AXIN1: variants seen among roughly 807,000 people sequenced by gnomAD.
AXIN1 encodes the protein axin-1.
Under a neutral mutation model 76.4 loss-of-function variants are expected in AXIN1, and 30 were observed. The observed-to-expected ratio is 0.39, with a 90% CI of 0.29 to 0.53. AXIN1 has a LOEUF of 0.53. Among genes scored for constraint, AXIN1 ranks in the 20% least tolerant of loss-of-function variants. AXIN1 has a pLI of 0.66. For synonymous variants in AXIN1, 545 were observed against 501.4 expected, an observed-to-expected ratio of 1.09 and a Z score of -1.16; for missense variants, 1,140 against 1,198.8, an observed-to-expected ratio of 0.95 and a Z score of 0.72.
chr16:306,958 C>G (rs1037697692), intron 4 of AXIN1, among the ~76,000 whole-genome samples: 3 of 152,208 alleles, frequency 2.0e-5, no homozygotes, highest in African/African-American at 7.2e-5. Context: ...AACAAGCCAC[C>G]CTTTCCCGCT....
intron 4 of AXIN1, 95 bp downstream of exon 4, chr16:309,878 G>T: frequency 8.1e-7 from 1 of 1,240,552 alleles, no homozygotes; most frequent in Non-Finnish European, 1.2e-6. Context: ...CTGGCTCGTG[G>T]GAGGCCAGGC....
chr16:305,328 G>A (rs761011785), intron 4 of AXIN1, among the ~76,000 whole-genome samples: 2 of 152,030 alleles, frequency 1.3e-5, no homozygotes, highest in Non-Finnish European at 2.9e-5. Flanking sequence ...TTTTTAATTA[G>A]CCGGGTGTGG....
chr16:337,149 C>CAAAAAA (rs398028563), intron 2 of AXIN1, among the ~76,000 whole-genome samples: 2 of 30,584 alleles, frequency 6.5e-5, no homozygotes, highest in African/African-American at 2.0e-4. Context: ...GACCCCGTCT[C>CAAAAAA]AAAAAAAAAA....
chr16:336,631 A>G (rs1395153850), intron 2 of AXIN1, among the ~76,000 whole-genome samples: 2 of 151,900 alleles, frequency 1.3e-5, no homozygotes, highest in Admixed American at 6.6e-5. Flanking sequence ...AGTCTGGCCA[A>G]TATGGTGGAA....
chr16:341,695 C>T (rs1216352206), intron 2 of AXIN1, among the ~76,000 whole-genome samples: 3 of 152,260 alleles, frequency 2.0e-5, no homozygotes, highest in Admixed American at 2.0e-4. Context: ...TGGGTGAAGC[C>T]AGCTGGGCTC....
chr16:345,467 C>A (rs1369136267), intron 2 of AXIN1, among the ~76,000 whole-genome samples: 1 of 152,230 alleles, frequency 6.6e-6, no homozygotes, highest in Non-Finnish European at 1.5e-5. Flanking sequence ...GTAATCCCAA[C>A]ACTTTGGGAG....
chr16:316,569 C>T (rs886386510), intron 2 of AXIN1, among the ~76,000 whole-genome samples: 2 of 152,236 alleles, frequency 1.3e-5, no homozygotes, highest in African/African-American at 4.8e-5. Flanking sequence ...TACTTGCGTT[C>T]AGCCAAGGTC....
chr16:310,909 A>T (rs2053160130), intron 3 of AXIN1, among the ~76,000 whole-genome samples: 1 of 152,264 alleles, frequency 6.6e-6, no homozygotes, highest in Non-Finnish European at 1.5e-5. Flanking sequence ...GGCAGCCAGG[A>T]CAACCAGTGC....
rs573413576 is a variant in AXIN1, at chr16:289,598, C to T, written c.2304G>A (p.Ser768=). 233 of 1,612,776 alleles carry T rather than the reference C, an allele frequency of 1.4e-4. No individual in the cohort carries two copies. Among genetic ancestry groups the T allele is most frequent in the East Asian group, 3.8e-4 (17 of 44,880 alleles). The part of the protein sequence containing the change: ...DMELSETETR[S]QRKVGGGSAQ... ...CACTCCCGCCGCCCACCTTCCTCTG[C>T]GATCTTGTCCTGGGGAAAGAGATGC... Residue 768 remains serine, a synonymous_variant, in exon 10 of 11, where the codon TCG becomes TCA. Transcript: ENST00000262320.
rs372558302 is a variant in AXIN1 at position 346,889 on chromosome 16, G to A, written c.137C>T (p.Ser46Phe). The A allele has an allele frequency of 2.5e-5, 40 of 1,613,676 alleles. No individual in the cohort carries two copies. The highest frequency in any genetic ancestry group is 3.1e-5 in the Non-Finnish European group (37 of 1,179,662). The change falls in exon 2 of 11, where the codon TCC (serine) becomes TTC (phenylalanine). Residue 46 changes from serine (S) to phenylalanine (F), a missense_variant. By Grantham distance (155) the Ser-to-Phe change is radical. Coordinates refer to ENST00000262320, the MANE Select transcript of AXIN1 (RefSeq NM_003502.4). ...ACCTTTAATGCCAACACCTTTCCCG[G>A]AGCAGAAACTGTAGCTGGCGGGCCT... Reference protein sequence around the residue: ...DPRPASYSFCSGKGVGIKGET... With the variant: ...DPRPASYSFCFGKGVGIKGET...
rs766505249 is a variant in AXIN1, at chr16:297,872, C to T, written c.1634G>A (p.Arg545Gln). 19 of 1,584,758 alleles carry T rather than the reference C, an allele frequency of 1.2e-5. No individual in the cohort carries two copies. The highest frequency in any genetic ancestry group is 2.7e-5 in the African/African-American group (2 of 74,520). ...VHHHVHHSTA[R>Q]PKEQVEAEAT... ...CTCGGCCTCCACCTGCTCCTTGGGC[C>T]GGGCTGTGCTGTGGTGGACGTGGTG... is the stretch of plus-strand genomic sequence containing the variant. The change falls in exon 6 of 11, where the codon CGG (arginine) becomes CAG (glutamine). Residue 545 changes from arginine (R) to glutamine (Q), a missense_variant. Physicochemically the swap from Arg to Gln is conservative, Grantham distance 43. This residue lies in a region of AXIN1 where 708 missense variants were observed against 776.9 expected (regional missense o/e 0.91). Transcript: ENST00000262320.
rs2141487670 is a variant in AXIN1, at chr16:293,743, T to G, written c.1956-25A>C. The G allele has an allele frequency of 6.2e-7, 1 of 1,609,550 alleles. No homozygotes were observed. The highest frequency in any genetic ancestry group is 2.2e-5 in the East Asian group (1 of 44,848). ...CCTTGGGGAACAAGAGAACAAGTTG[T>G]GACTGTGGCCGACACCCTGGCCAGG... On this transcript the variant is annotated intron_variant, in intron 7 of 10. Transcript: ENST00000262320. This position sits in a 1 kb window ranked among gnomAD's most constrained non-coding sequence, Gnocchi z 4.6.
At chr16:291,658 C>T (rs2052564559) in intron 8 of AXIN1, 2 of 378,990 alleles carry the variant, frequency 5.3e-6, no homozygotes, top group East Asian at 6.3e-5. Context: ...GCATGAATTC[C>T]CCACCGATAG....
chr16:344,592 G>A (rs992271760), intron 2 of AXIN1, among the ~76,000 whole-genome samples: 13 of 151,330 alleles, frequency 8.6e-5, no homozygotes, highest in Admixed American at 7.2e-4. Context: ...AGGTTCAAGC[G>A]ATTCTCCTGC....
Position 288,029 on chromosome 16 carries a change from C to CA in AXIN1, c.*92dup, listed in dbSNP as rs2052433468. 6.3e-7 allele frequency: 1 copy of CA among 1,594,678 alleles called. No individual in the cohort carries two copies. The highest frequency in any genetic ancestry group is 8.5e-7 in the Non-Finnish European group (1 of 1,170,520). The stretch of plus-strand genomic sequence containing the variant: ...GGGTGGTACACCCAACACTGTTCCC[C>CA]ATCGGGCTCCTGAGTACGAGGTCAT... On this transcript the variant is annotated 3_prime_UTR_variant, in exon 11 of 11. Coordinates refer to ENST00000262320, the MANE Select transcript of AXIN1 (RefSeq NM_003502.4).
chr16:289,703 G>C (rs1269889214), intron 9 of AXIN1, 96 bp from the exon 10 acceptor site: 27 of 1,500,304 alleles, frequency 1.8e-5, no homozygotes, highest in Non-Finnish European at 2.4e-5. Context: ...AGGCGGGGCA[G>C]GCCTGCAGGG....
intron 4 of AXIN1, 123 bp from the exon 5 acceptor site, chr16:304,564 T>C: frequency 6.9e-7 from 1 of 1,443,516 alleles, no homozygotes; most frequent in Non-Finnish European, 9.4e-7. Context: ...AGACAAACTC[T>C]TGCTCTGTCA....
chr16:332,359 C>G (rs540912804), intron 2 of AXIN1, among the ~76,000 whole-genome samples: 1 of 151,958 alleles, frequency 6.6e-6, no homozygotes, highest in Non-Finnish European at 1.5e-5. Flanking sequence ...GGGCGGATCA[C>G]GAGATCAGGA....
Position 298,032 on chromosome 16 carries a change from G to A in AXIN1, c.1474C>T (p.Arg492Cys), listed in dbSNP as rs372115709. Residue 492 changes from arginine (R) to cysteine (C), a missense_variant, in exon 6 of 11, where the codon CGC becomes TGC. Around this residue, in one of 3 missense-constraint regions of AXIN1, gnomAD observed 708 missense variants for 776.9 expected, o/e 0.91. Transcript: ENST00000262320. ...PGRQSPGPGH[R>C]SPDSGHVAKM... ...GCCACGTGCCCACTGTCCGGGGAGC[G>A]ATGGCCAGGCCCAGGCGACTGGCGG... is the stretch of plus-strand genomic sequence containing the variant. 6.9e-6 allele frequency: 11 copies of A among 1,591,320 alleles called. No homozygotes were observed. Among genetic ancestry groups the A allele is most frequent in the Admixed American group, 1.7e-5 (1 of 58,740 alleles).
Sources: gnomAD v4.1 joint callset for allele counts (sites outside exome capture counted in the v4.1 genomes callset) on GRCh38, gnomAD v4.1.1 for gene constraint, gnomAD v4.1.1 regional missense constraint, Gnocchi (gnomAD v3.1) non-coding constraint, MANE v1.5 for transcripts, NCBI Gene and HGNC (gene_info 2026-07-23, HGNC 2026-07-21) for gene names.